Variants in KIAA1217 observed in about 807,000 individuals in gnomAD.
KIAA1217 encodes sickle tail protein homolog.
In KIAA1217, 88 loss-of-function variants were observed where a neutral mutation model predicts 163.9. That is an observed-to-expected ratio of 0.54 (90% CI 0.45 to 0.64). The LOEUF (loss-of-function observed/expected upper bound fraction) is 0.64. Ranked by LOEUF, KIAA1217 falls within the 30% of genes least tolerant of loss-of-function variation. KIAA1217 has a pLI of 0.00. For synonymous variants in KIAA1217, 903 were observed against 923.1 expected (o/e 0.98, Z 0.39); for missense variants, 2,372 against 2,475.0 (o/e 0.96, Z 0.88).
At chr10:23,853,419 T>A (rs1216335622) in intron 1 of KIAA1217, among the ~76,000 whole-genome samples, 3 of 152,198 alleles carry the variant, frequency 2.0e-5, no homozygotes, top group Non-Finnish European at 4.4e-5. Context: ...GGTTTGTCAG[T>A]ATTTTATTGA....
chr10:24,085,974 A>G (rs1244573656), intron 2 of KIAA1217, among the ~76,000 whole-genome samples: 1 of 149,750 alleles, frequency 6.7e-6, no homozygotes, highest in Admixed American at 6.6e-5. Context: ...CCCTGTCTCA[A>G]AAAAAAAAAG....
At chr10:24,133,657 A>C (rs558991072) in intron 2 of KIAA1217, among the ~76,000 whole-genome samples, 1 of 152,314 alleles carries the variant, frequency 6.6e-6, no homozygotes, top group South Asian at 2.1e-4. Context: ...TCAAAACAGC[A>C]ACTAGTGAGT....
At chr10:24,267,583 G>A (rs2076357544) in intron 2 of KIAA1217, among the ~76,000 whole-genome samples, 1 of 152,170 alleles carries the variant, frequency 6.6e-6, no homozygotes. Context: ...AAAGAGCTGG[G>A]ATTACAGGCA....
At chr10:24,443,657 A>C (rs2060682576) in intron 5 of KIAA1217, among the ~76,000 whole-genome samples, 1 of 152,290 alleles carries the variant, frequency 6.6e-6, no homozygotes, top group South Asian at 2.1e-4. Context: ...GATTTTGAGA[A>C]GAACAAAGCA....
At chr10:23,703,811 C>G (rs990826135) in intron 1 of KIAA1217, among the ~76,000 whole-genome samples, 3 of 151,724 alleles carry the variant, frequency 2.0e-5, no homozygotes, top group African/African-American at 7.3e-5. Context: ...GTATAAAGGC[C>G]CAGAGAGCAA....
rs35533445 is a variant in KIAA1217, at chr10:23,704,172, GTATATATATATATATATATATA to G, written c.-321+8957_-321+8978del. Among the ~76,000 whole-genome samples, 45 of 39,940 alleles carry G rather than the reference GTATATATATATATATATATATA, an allele frequency of 1.1e-3. 1 individual carries two copies. The highest frequency in any genetic ancestry group is 5.1e-3 in the African/African-American group (38 of 7,482). The allele number at this position is 39,940 out of a possible 152,430, so 26.2% of individuals were successfully genotyped here. On this transcript the variant is annotated intron_variant, in intron 1 of 18. Transcript: ENST00000376462. ...TGTGTGTGTGTGTGTGTGTGTGTGT[GTATATATATATATATATATATA>G]TATATATATATATATATAGTGAGCT...
At chr10:24,478,054 G>A (rs143641023) in intron 6 of KIAA1217, among the ~76,000 whole-genome samples, 1 of 152,160 alleles carries the variant, frequency 6.6e-6, no homozygotes, top group Non-Finnish European at 1.5e-5. Context: ...ATTTTACATC[G>A]AAGATGTGAA....
chr10:23,851,949 C>T (rs1168365638), intron 1 of KIAA1217, among the ~76,000 whole-genome samples: 2 of 151,920 alleles, frequency 1.3e-5, no homozygotes, highest in African/African-American at 4.8e-5. Context: ...AAAATTTTCT[C>T]CCATTTTGTG....
At chr10:24,107,427 A>G (rs10828600) in intron 2 of KIAA1217, among the ~76,000 whole-genome samples, 18,100 of 152,228 alleles carry the variant, frequency 0.12, 1,494 homozygotes, top group African/African-American at 0.24. Context: ...GACAAATGGT[A>G]GATCTGTTGT....
intron 16 of KIAA1217, among the ~76,000 whole-genome samples, chr10:24,534,321 G>A (rs1471049635): frequency 2.0e-5 from 3 of 152,154 alleles, no homozygotes; most frequent in South Asian, 2.1e-4. Flanking sequence ...GGACATCCCC[G>A]CAACCAATCA....
chr10:23,857,526 G>C (rs1334914182), intron 1 of KIAA1217, among the ~76,000 whole-genome samples: 1 of 152,186 alleles, frequency 6.6e-6, no homozygotes, highest in Non-Finnish European at 1.5e-5. Context: ...CAGAGGTGAG[G>C]TCTTCAAGCC....
chr10:23,850,517 G>C (rs1839258017), intron 1 of KIAA1217, among the ~76,000 whole-genome samples: 3 of 152,110 alleles, frequency 2.0e-5, no homozygotes, highest in Admixed American at 1.3e-4. Flanking sequence ...TCTTTATGAA[G>C]AGGCAAAGAT....
At chr10:24,251,400 C>CAAAAAAAAAAAAAAAAAAAAAACAAA (rs2074507513) in intron 2 of KIAA1217, among the ~76,000 whole-genome samples, 1 of 90,536 alleles carries the variant, frequency 1.1e-5, no homozygotes, top group Non-Finnish European at 2.2e-5. Context: ...GACACTGTCT[C>CAAAAAAAAAAAAAAAAAAAAAACAAA]AAAAAAAAAA....
intron 1 of KIAA1217, among the ~76,000 whole-genome samples, chr10:23,760,876 A>G (rs377310848): frequency 2.4e-4 from 37 of 152,330 alleles, no homozygotes; most frequent in African/African-American, 8.9e-4. Flanking sequence ...AGACAGTTTA[A>G]CAAGTATCCA....
intron 8 of KIAA1217, among the ~76,000 whole-genome samples, chr10:24,497,000 C>CT (rs1226413596): frequency 6.6e-6 from 1 of 152,228 alleles, no homozygotes; most frequent in African/African-American, 2.4e-5. Context: ...CACGTGGACT[C>CT]ACTCCCCACG....
At chr10:23,803,041 C>G (rs1048596614) in intron 1 of KIAA1217, among the ~76,000 whole-genome samples, 2 of 152,188 alleles carry the variant, frequency 1.3e-5, no homozygotes, top group Non-Finnish European at 2.9e-5. Flanking sequence ...AGCCCACTCT[C>G]TTTCCACAAA....
intron 2 of KIAA1217, among the ~76,000 whole-genome samples, chr10:24,156,729 G>A (rs532236920): frequency 1.5e-4 from 23 of 152,218 alleles, no homozygotes; most frequent in Non-Finnish European, 2.8e-4. Flanking sequence ...CCCTAGAGCC[G>A]GCTGAAACTA....
chr10:24,189,961 C>A (rs1039001322), intron 2 of KIAA1217, among the ~76,000 whole-genome samples: 3 of 150,714 alleles, frequency 2.0e-5, no homozygotes, highest in African/African-American at 7.3e-5. Flanking sequence ...TTCAAGGCTG[C>A]AGTGAGCTGT....
At chr10:23,723,699 A>G (rs1588665525) in intron 1 of KIAA1217, among the ~76,000 whole-genome samples, 1 of 152,196 alleles carries the variant, frequency 6.6e-6, no homozygotes, top group South Asian at 2.1e-4. Context: ...CTGAATGAGA[A>G]TTTTTATCAT....
Sources: gnomAD v4.1 joint callset for allele counts (sites outside exome capture counted in the v4.1 genomes callset) on GRCh38, gnomAD v4.1.1 for gene constraint, MANE v1.5 for transcripts, NCBI Gene and HGNC (gene_info 2026-07-23, HGNC 2026-07-21) for gene names.